ARHGAP26: variants seen among roughly 807,000 people sequenced by gnomAD.
ARHGAP26 encodes the protein rho GTPase-activating protein 26.
In ARHGAP26, 38 loss-of-function variants were observed where a neutral mutation model predicts 104.8. The ratio of observed to expected loss-of-function variants is 0.36; its 90% CI spans 0.28 to 0.48. The LOEUF is 0.48. ARHGAP26 is among the 20% of genes least tolerant of loss of function. The probability of loss-of-function intolerance (pLI) is 0.99; values close to 1 mark genes in which losing one functional copy is unlikely to be tolerated. For missense variants in ARHGAP26, 704 were observed against 947.9 expected (o/e 0.74, Z 3.38); for synonymous variants, 341 against 340.0 (o/e 1.00, Z -0.03).
rs1046568435 is a variant in ARHGAP26, at chr5:143,210,415, C to A, written c.2099+3107C>A. On this transcript the variant is annotated intron_variant, in intron 21 of 22. Transcript: ENST00000645722. ...CACAACACGGGAATGATGGGAGCTA[C>A]AAGATGAGATTCAGGTGGGGACACA... is the stretch of plus-strand genomic sequence containing the variant. Among the ~76,000 whole-genome samples, 16 of 152,238 alleles carry A rather than the reference C, an allele frequency of 1.1e-4. No individual in the cohort carries two copies. The Middle Eastern group carries it at 0.01, about 97-fold the overall frequency.
At chr5:142,964,343 T>C (rs1770898052) in intron 11 of ARHGAP26, among the ~76,000 whole-genome samples, 1 of 152,226 alleles carries the variant, frequency 6.6e-6, no homozygotes, top group South Asian at 2.1e-4. Flanking sequence ...TTCTTTTCTT[T>C]GATTTGATTC....
intron 1 of ARHGAP26, among the ~76,000 whole-genome samples, chr5:142,802,280 G>A (rs1467501614): frequency 6.6e-6 from 1 of 152,158 alleles, no homozygotes; most frequent in East Asian, 1.9e-4. Flanking sequence ...TACCCAGTTA[G>A]CAGGATTTAC....
chr5:143,205,482 C>T (rs1025348381), intron 20 of ARHGAP26, among the ~76,000 whole-genome samples: 1 of 152,214 alleles, frequency 6.6e-6, no homozygotes, highest in African/African-American at 2.4e-5. Context: ...TTCTCTATCA[C>T]TGTATTGTCA....
At chr5:142,878,640 C>A (rs1756482354) in intron 3 of ARHGAP26, among the ~76,000 whole-genome samples, 1 of 152,136 alleles carries the variant, frequency 6.6e-6, no homozygotes, top group African/African-American at 2.4e-5. Flanking sequence ...TCAGGGAAGG[C>A]CTCCCTAAAG....
chr5:143,176,146 T>C (rs1194373680), intron 20 of ARHGAP26, among the ~76,000 whole-genome samples: 1 of 152,024 alleles, frequency 6.6e-6, no homozygotes, highest in Non-Finnish European at 1.5e-5. Context: ...ATAAATGAAA[T>C]ATGACACGTG....
At chr5:143,177,938 A>T (rs1174411943) in intron 20 of ARHGAP26, among the ~76,000 whole-genome samples, 2 of 146,834 alleles carry the variant, frequency 1.4e-5, no homozygotes, top group African/African-American at 2.5e-5. Context: ...AATGAGGGAC[A>T]CTGAGGCTCA....
intron 1 of ARHGAP26, among the ~76,000 whole-genome samples, chr5:142,854,749 G>A (rs1018428474): frequency 2.6e-5 from 4 of 152,196 alleles, no homozygotes; most frequent in African/African-American, 4.8e-5. Flanking sequence ...ATCTAACATG[G>A]CTTAAGCCAG....
At position 142,912,013 on chromosome 5, in the gene ARHGAP26, C is replaced by G. The variant is rs530245582; in HGVS notation, c.934-1186C>G. ...ATTTTACCTTATGTAGCCACACTTT[C>G]TGTTATTTCAACAAACTGGGCAAGC... is the stretch of plus-strand genomic sequence containing the variant. On this transcript the variant is annotated intron_variant, in intron 9 of 22. Coordinates refer to ENST00000645722, the MANE Select transcript of ARHGAP26 (RefSeq NM_001135608.3). Among the ~76,000 whole-genome samples, 6 of 152,284 alleles carry G rather than the reference C, an allele frequency of 3.9e-5. No individual in the cohort carries two copies. In the South Asian group the frequency reaches 1.2e-3, roughly 32 times the overall value.
chr5:142,807,953 T>C (rs1365759835), intron 1 of ARHGAP26, among the ~76,000 whole-genome samples: 2 of 152,144 alleles, frequency 1.3e-5, no homozygotes, highest in Non-Finnish European at 2.9e-5. Flanking sequence ...TGTTGTATTT[T>C]GGCAGGGTGT....
At chr5:143,093,238 T>C (rs1340340929) in intron 17 of ARHGAP26, among the ~76,000 whole-genome samples, 1 of 152,156 alleles carries the variant, frequency 6.6e-6, no homozygotes, top group African/African-American at 2.4e-5. Flanking sequence ...ACTTTCTGCT[T>C]TCTTCTGTTA....
At chr5:142,997,705 C>T (rs976105184) in intron 11 of ARHGAP26, among the ~76,000 whole-genome samples, 1 of 151,620 alleles carries the variant, frequency 6.6e-6, no homozygotes. Context: ...GTGGGAGATA[C>T]TGCACCTAGC....
At chr5:142,806,688 C>T (rs1034623246) in intron 1 of ARHGAP26, among the ~76,000 whole-genome samples, 15 of 152,084 alleles carry the variant, frequency 9.9e-5, no homozygotes, top group Admixed American at 2.6e-4. Flanking sequence ...ATTAGTGCAA[C>T]GAAGAAAAGA....
chr5:143,066,408 A>G (rs151324789), intron 17 of ARHGAP26, among the ~76,000 whole-genome samples: 1 of 152,364 alleles, frequency 6.6e-6, no homozygotes, highest in African/African-American at 2.4e-5. Flanking sequence ...GAAAACCTAA[A>G]GTAATACAGT....
intron 11 of ARHGAP26, among the ~76,000 whole-genome samples, chr5:142,994,182 G>A (rs1224660156): frequency 6.6e-6 from 1 of 152,196 alleles, no homozygotes; most frequent in Non-Finnish European, 1.5e-5. Flanking sequence ...TAGACTGAGG[G>A]AGTTGAAGGC....
chr5:142,872,056 C>T (rs976122919), intron 1 of ARHGAP26, among the ~76,000 whole-genome samples: 7 of 152,176 alleles, frequency 4.6e-5, no homozygotes, highest in African/African-American at 7.2e-5. Context: ...GCACAGCCCA[C>T]GCCCAGCTCT....
intron 4 of ARHGAP26, 38 bp from the exon 5 acceptor site, chr5:142,885,260 G>T (rs1451832264): frequency 1.9e-6 from 3 of 1,565,034 alleles, no homozygotes; most frequent in Admixed American, 3.4e-5. Flanking sequence ...CCTGCAACGT[G>T]TTACTCTTTT....
chr5:143,223,086 AC>A lies in ARHGAP26; in HGVS notation c.*643del, dbSNP rs1811395961. 1 of 233,436 alleles carries A rather than the reference AC, an allele frequency of 4.3e-6. No individual in the cohort carries two copies. The highest frequency in any genetic ancestry group is 8.5e-6 in the Non-Finnish European group (1 of 117,946). The allele number at this position is 233,436 out of a possible 1,614,324, so 14.5% of individuals were successfully genotyped here. A position where few individuals can be genotyped will look rare whatever the true frequency, so the allele number is the denominator to read the frequency against. ...TCTTCTCATGCACGGGAACACACAC[AC>A]CCTGCGTTTCTCCCTCCCAGGCTAG... On this transcript the variant is annotated 3_prime_UTR_variant, in exon 23 of 23. Coordinates refer to ENST00000645722, the MANE Select transcript of ARHGAP26 (RefSeq NM_001135608.3).
chr5:142,901,792 C>A, intron 6 of ARHGAP26, 143 bp from the exon 7 acceptor site: 1 of 650,298 alleles, frequency 1.5e-6, no homozygotes, highest in Non-Finnish European at 2.7e-6. Flanking sequence ...TAGTGCCTGG[C>A]ACACAATTGG....
intron 18 of ARHGAP26, among the ~76,000 whole-genome samples, chr5:143,127,843 AGTT>A (rs1277953073): frequency 6.6e-5 from 10 of 152,240 alleles, no homozygotes; most frequent in Non-Finnish European, 1.5e-4. Context: ...TATTTCAAAC[AGTT>A]GTTGATATGC....
Sources: allele counts gnomAD v4.1 joint callset (sites outside exome capture counted in the v4.1 genomes callset), GRCh38; gene constraint gnomAD v4.1.1; transcripts MANE v1.5; gene names NCBI Gene and HGNC (gene_info 2026-07-23, HGNC 2026-07-21).